SUSD3: variants seen among roughly 807,000 people sequenced by gnomAD.
SUSD3 encodes the protein sushi domain containing 3.
In SUSD3, 18 loss-of-function variants were observed where a neutral mutation model predicts 20.6. The ratio of observed to expected loss-of-function variants is 0.87; its 90% CI spans 0.60 to 1.30. SUSD3 has a LOEUF of 1.30. Ranked by LOEUF, SUSD3 falls within the 50% of genes most tolerant of loss-of-function variation. SUSD3 has a pLI of 0.00. For synonymous variants in SUSD3, 137 were observed against 141.5 expected (o/e 0.97, Z 0.23); for missense variants, 306 against 346.9 (o/e 0.88, Z 0.94).
intron 1 of SUSD3, among the ~76,000 whole-genome samples, chr9:93,070,518 C>T (rs915571272): frequency 3.9e-5 from 6 of 152,200 alleles, no homozygotes; most frequent in Non-Finnish European, 7.3e-5. Flanking sequence ...TTGACCCTGG[C>T]GGAACCACAA....
chr9:93,075,753 C>CCCCCCCCCCCCCCCCCCA, intron 1 of SUSD3, 31 bp from the exon 2 acceptor site: 1 of 334,096 alleles, frequency 3.0e-6, no homozygotes, highest in South Asian at 3.1e-5. Flanking sequence ...CCCCCCCCCC[C>CCCCCCCCCCCCCCCCCCA]GCCATGCCTC....
At chr9:93,064,789 G>T (rs1180562913) in intron 1 of SUSD3, among the ~76,000 whole-genome samples, 1 of 152,204 alleles carries the variant, frequency 6.6e-6, no homozygotes, top group Non-Finnish European at 1.5e-5. Context: ...GCCCCACCCT[G>T]CCTGTTGTGG....
chr9:93,066,791 C>T (rs948936779), intron 1 of SUSD3, among the ~76,000 whole-genome samples: 13 of 152,166 alleles, frequency 8.5e-5, no homozygotes, highest in African/African-American at 3.1e-4. Context: ...TCACTGCAAC[C>T]TCCGCCTCCC....
intron 1 of SUSD3, among the ~76,000 whole-genome samples, chr9:93,066,148 T>C (rs1825702219): frequency 3.3e-5 from 5 of 152,212 alleles, no homozygotes; most frequent in Admixed American, 3.3e-4. Flanking sequence ...CTAGAAATTG[T>C]GCACCCCTCC....
chr9:93,069,015 C>G, intron 1 of SUSD3: 1 of 643,302 alleles, frequency 1.6e-6, no homozygotes, highest in Non-Finnish European at 2.9e-6. Flanking sequence ...TGGTCTCTCT[C>G]TCTCTAAATA....
intron 1 of SUSD3, among the ~76,000 whole-genome samples, chr9:93,059,497 G>C (rs987664478): frequency 6.6e-6 from 1 of 152,206 alleles, no homozygotes; most frequent in Non-Finnish European, 1.5e-5. Context: ...CCAAGGCTCC[G>C]GGGTTCGAAT....
chr9:93,058,850 G>A lies in SUSD3; in HGVS notation c.88+20G>A. ...GCACAGGTGAGGGCTGGGGCCGAGT[G>A]GCCGCGTGCGGGGCTCTGCGCCCAT... On this transcript the variant is annotated intron_variant, in intron 1 of 4. Coordinates refer to ENST00000375472, the MANE Select transcript of SUSD3 (RefSeq NM_145006.4). 8.0e-7 allele frequency: 1 copy of A among 1,244,080 alleles called. No homozygotes were observed. Among genetic ancestry groups the A allele is most frequent in the Non-Finnish European group, 1.0e-6 (1 of 985,274 alleles). The allele number at this position is 1,244,080 out of a possible 1,614,324, so 77.1% of individuals were successfully genotyped here. A position where few individuals can be genotyped will look rare whatever the true frequency, so the allele number is the denominator to read the frequency against.
At chr9:93,075,736 G>GACCCC in intron 1 of SUSD3, 48 bp from the exon 2 acceptor site, 3 of 272,216 alleles carry the variant, frequency 1.1e-5, no homozygotes, top group Admixed American at 7.7e-5. Flanking sequence ...TGCCCTGCGT[G>GACCCC]CCCACCCCCC....
chr9:93,081,678 CCTTT>C (rs1310161591), intron 4 of SUSD3, among the ~76,000 whole-genome samples: 1 of 152,200 alleles, frequency 6.6e-6, no homozygotes, highest in Admixed American at 6.5e-5. Flanking sequence ...AAGGAATTCA[CCTTT>C]CTGTCTCCTT....
At chr9:93,074,755 C>T (rs1319677139) in intron 1 of SUSD3, among the ~76,000 whole-genome samples, 2 of 150,586 alleles carry the variant, frequency 1.3e-5, no homozygotes, top group Non-Finnish European at 2.9e-5. Context: ...GCTGGAATTA[C>T]AGGCACATGC....
At chr9:93,080,219 A>G (rs958966191) in intron 4 of SUSD3, among the ~76,000 whole-genome samples, 5 of 149,738 alleles carry the variant, frequency 3.3e-5, no homozygotes, top group African/African-American at 1.2e-4. Context: ...CTTGGGAGGC[A>G]GAGACAGGAG....
At chr9:93,060,853 C>CA (rs1825476007) in intron 1 of SUSD3, among the ~76,000 whole-genome samples, 1 of 152,050 alleles carries the variant, frequency 6.6e-6, no homozygotes, top group Non-Finnish European at 1.5e-5. Flanking sequence ...AAACAAAAAC[C>CA]AAAAACATAG....
At position 93,070,105 on chromosome 9, in the gene SUSD3, T is replaced by G. The variant is rs57131039; in HGVS notation, c.89-5679T>G. ...AGCCATTTGTTTTTCTTTTCTAACT[T>G]ACACATTTTGCTGTGATTTTTGTCA... On this transcript the variant is annotated intron_variant, in intron 1 of 4. Transcript: ENST00000375472. 5.6e-3 allele frequency among the ~76,000 whole-genome samples: 851 copies of G among 152,316 alleles called. 9 individuals carry two copies. The highest frequency in any genetic ancestry group is 0.019 in the African/African-American group (791 of 41,564).
rs1017369769 is a variant in SUSD3, at chr9:93,058,711, C to CAG, written c.-30_-29dup. On this transcript the variant is annotated 5_prime_UTR_variant, in exon 1 of 5. Transcript: ENST00000375472. ...CCACAAGCCGGGCTCACTCCCCTGGCAGACCCCGCCAAGCGCCTCGGAGCG... is the reference window on the plus strand; with the variant it reads ...CCACAAGCCGGGCTCACTCCCCTGGCAGAGACCCCGCCAAGCGCCTCGGAGCG... 21 of 1,213,324 alleles carry CAG rather than the reference C, an allele frequency of 1.7e-5. No homozygotes were observed. Among genetic ancestry groups the CAG allele is most frequent in the Non-Finnish European group, 2.2e-5 (21 of 970,970 alleles). The allele number at this position is 1,213,324 out of a possible 1,614,324, so 75.2% of individuals were successfully genotyped here. A position where few individuals can be genotyped will look rare whatever the true frequency, so the allele number is the denominator to read the frequency against.
Position 93,077,973 on chromosome 9 carries a change from C to T in SUSD3, c.405C>T (p.Ser135=). The T allele has an allele frequency of 2.5e-6, 4 of 1,614,246 alleles. No homozygotes were observed. The South Asian group carries it at 4.4e-5, about 18-fold the overall frequency. ...GCCTCCTCAAGTGCGTGAAGAAGAG[C>T]AAGCGGCGGCGCTCCAACAGGTACG... ...TCCLLKCVKK[S]KRRRSNRSAQ... Residue 135 remains serine, a synonymous_variant, in exon 3 of 5, where the codon AGC becomes AGT. Coordinates refer to ENST00000375472, the MANE Select transcript of SUSD3 (RefSeq NM_145006.4).
chr9:93,072,118 T>C (rs988309260), intron 1 of SUSD3, among the ~76,000 whole-genome samples: 1 of 152,080 alleles, frequency 6.6e-6, no homozygotes, highest in African/African-American at 2.4e-5. Context: ...TTGTCTGTGT[T>C]AGATCAGTCC....
intron 1 of SUSD3, among the ~76,000 whole-genome samples, chr9:93,072,138 C>T (rs73651354): frequency 3.9e-5 from 6 of 152,022 alleles, no homozygotes; most frequent in Non-Finnish European, 7.4e-5. Flanking sequence ...CCTCCCCCAT[C>T]CCTCCCAGAA....
At chr9:93,075,754 G>GCCCCCCCCC in intron 1 of SUSD3, 30 bp from the exon 2 acceptor site, 1 of 228,532 alleles carries the variant, frequency 4.4e-6, no homozygotes, top group Non-Finnish European at 6.6e-6. Context: ...CCCCCCCCCC[G>GCCCCCCCCC]CCATGCCTCA....
intron 3 of SUSD3, 85 bp downstream of exon 3, chr9:93,078,078 G>A: frequency 6.3e-7 from 1 of 1,580,428 alleles, no homozygotes; most frequent in Non-Finnish European, 8.6e-7. Flanking sequence ...TGTTTCAAGG[G>A]AACCCCGGCA....
Sources: allele counts gnomAD v4.1 joint callset (sites outside exome capture counted in the v4.1 genomes callset), GRCh38; gene constraint gnomAD v4.1.1; transcripts MANE v1.5; gene names NCBI Gene and HGNC (gene_info 2026-07-23, HGNC 2026-07-21).